The following HELLS variants were observed in gnomAD, a reference collection of about 807,000 sequenced individuals.
The protein encoded by HELLS is helicase, lymphoid specific.
A neutral mutation model predicts 120.0 loss-of-function variants in HELLS; 32 were observed. The observed-to-expected ratio is 0.27, with a 90% confidence interval of 0.20 to 0.36. The LOEUF is 0.36. Among genes scored for constraint, HELLS ranks in the 10% least tolerant of loss-of-function variants. HELLS has a pLI of 1.00. For synonymous variants in HELLS, 341 were observed against 323.4 expected (o/e 1.05, Z -0.58); for missense variants, 650 against 993.4 (o/e 0.65, Z 4.65).
rs759626036 is a variant in HELLS, at chr10:94,592,524, C to T, written c.1971+10C>T. The T allele has an allele frequency of 2.8e-6, 4 of 1,431,186 alleles. No individual in the cohort carries two copies. The highest frequency in any genetic ancestry group is 3.7e-6 in the Non-Finnish European group (4 of 1,086,992). 88.7% of individuals were successfully genotyped at this position (1,431,186 alleles called of 1,614,324 possible). A position where few individuals can be genotyped will look rare whatever the true frequency, so the allele number is the denominator to read the frequency against. ...AGAGAGAGAAAAAAACGTAAGACTA[C>T]TTATGTCATACATACCAAACTATTC... On this transcript the variant is annotated intron_variant, in intron 17 of 21. Coordinates refer to ENST00000348459, the MANE Select transcript of HELLS (RefSeq NM_018063.5).
chr10:94,563,410 A>G (rs1203590581), intron 6 of HELLS, among the ~76,000 whole-genome samples: 1 of 152,128 alleles, frequency 6.6e-6, no homozygotes, highest in Non-Finnish European at 1.5e-5. Flanking sequence ...TAAGTGGCAA[A>G]TAGGCTTACA....
chr10:94,578,677 T>A (rs985929042), intron 10 of HELLS, among the ~76,000 whole-genome samples: 11 of 152,170 alleles, frequency 7.2e-5, no homozygotes, highest in Non-Finnish European at 1.5e-4. Context: ...GGCAACCAAG[T>A]GAGACTGTGT....
chr10:94,596,321 G>T (rs183464901), intron 19 of HELLS, among the ~76,000 whole-genome samples: 1 of 152,238 alleles, frequency 6.6e-6, no homozygotes, highest in East Asian at 1.9e-4. Context: ...CATCATCCAA[G>T]AAATTTTCTT....
At chr10:94,576,101 C>CT (rs1844465938) in intron 9 of HELLS, among the ~76,000 whole-genome samples, 1 of 151,666 alleles carries the variant, frequency 6.6e-6, no homozygotes, top group South Asian at 2.1e-4. Context: ...CCTGGCCCGT[C>CT]TATTTGTTTT....
At chr10:94,606,303 G>A (rs1846128570), downstream of HELLS, among the ~76,000 whole-genome samples, 1 of 151,702 alleles carries the variant, frequency 6.6e-6, no homozygotes. Context: ...ATGATTTCTT[G>A]GAGGGTTTTG....
chr10:94,610,031 G>A (rs892226679), exon 10 of HELLS: 9 of 152,068 alleles, frequency 5.9e-5, no homozygotes, highest in Admixed American at 2.6e-4. Flanking sequence ...TGGAATTGAC[G>A]TTTAGCTGTG....
chr10:94,576,395 G>T (rs1354671985), intron 9 of HELLS, among the ~76,000 whole-genome samples: 1 of 152,072 alleles, frequency 6.6e-6, no homozygotes. Context: ...TTAGAGATCG[G>T]CTTGCCTTGG....
chr10:94,552,441 C>G (rs573332331), intron 2 of HELLS, among the ~76,000 whole-genome samples: 4 of 152,308 alleles, frequency 2.6e-5, no homozygotes, highest in African/African-American at 9.6e-5. Flanking sequence ...CAGATGTCAT[C>G]TATTTCCTGA....
chr10:94,578,663 G>A (rs1307799444), intron 10 of HELLS, among the ~76,000 whole-genome samples: 1 of 152,132 alleles, frequency 6.6e-6, no homozygotes, highest in Non-Finnish European at 1.5e-5. Flanking sequence ...CGCTTGGTTG[G>A]CTGGGCAACC....
chr10:94,592,239 A>C lies in HELLS; in HGVS notation c.1778A>C (p.Glu593Ala), dbSNP rs770300654. 2.8e-5 allele frequency: 45 copies of C among 1,610,144 alleles called. 1 individual carries two copies. In the South Asian group the frequency reaches 5.0e-4, roughly 18 times the overall value. The change falls in exon 16 of 22, where the codon GAA becomes GCA. Residue 593 changes from glutamate to alanine, a missense_variant. Physicochemically the swap from Glu to Ala is moderately radical, Grantham distance 107. This residue lies in a region of HELLS where 191 missense variants were observed against 259.7 expected (regional missense o/e 0.74). Coordinates refer to ENST00000348459, the MANE Select transcript of HELLS (RefSeq NM_018063.5). ...TTGCCCCTCCTTAAGATCGATGAAG[A>C]ATTGGTAACAAATTCTGGGAAGTTC... is the stretch of plus-strand genomic sequence containing the variant. ...PVTQEFKIDEELVTNSGKFLI... is the reference protein window; with the variant it reads ...PVTQEFKIDEALVTNSGKFLI...
intron 3 of HELLS, among the ~76,000 whole-genome samples, chr10:94,555,638 C>CT (rs914910010): frequency 6.6e-6 from 1 of 151,632 alleles, no homozygotes; most frequent in Non-Finnish European, 1.5e-5. Context: ...TTCTTTCTTT[C>CT]TTTTTTTTGG....
At chr10:94,567,320 C>A (rs1363170021) in intron 6 of HELLS, among the ~76,000 whole-genome samples, 1 of 151,848 alleles carries the variant, frequency 6.6e-6, no homozygotes, top group East Asian at 1.9e-4. Flanking sequence ...TTTTTTGAGA[C>A]ACAGTTTTGC....
intron 3 of HELLS, among the ~76,000 whole-genome samples, chr10:94,555,234 C>T (rs746492638): frequency 1.5e-4 from 23 of 152,050 alleles, no homozygotes; most frequent in Non-Finnish European, 3.2e-4. Context: ...CCCAGGAGTT[C>T]GACACCAGCC....
downstream of HELLS, among the ~76,000 whole-genome samples, chr10:94,605,083 C>A (rs1049020271): frequency 3.6e-4 from 47 of 130,796 alleles, 2 homozygotes; most frequent in African/African-American, 7.2e-4. Flanking sequence ...CCCCCCCCCC[C>A]CCTTTTTTTT....
downstream of HELLS, among the ~76,000 whole-genome samples, chr10:94,606,102 C>T (rs539872213): frequency 8.7e-4 from 130 of 149,534 alleles, no homozygotes; most frequent in African/African-American, 2.6e-3. Context: ...AAAGAGACTC[C>T]TGCTATGTTG....
chr10:94,606,910 A>G (rs765410958), downstream of HELLS, among the ~76,000 whole-genome samples: 1 of 152,218 alleles, frequency 6.6e-6, no homozygotes, highest in Admixed American at 6.5e-5. Flanking sequence ...AATTGTCAGT[A>G]TATGTATATG....
intron 2 of HELLS, among the ~76,000 whole-genome samples, chr10:94,549,940 G>T (rs1445225493): frequency 6.6e-6 from 1 of 151,880 alleles, no homozygotes; most frequent in Non-Finnish European, 1.5e-5. Flanking sequence ...ATTTTTTTGA[G>T]ACAGAGTTTC....
chr10:94,580,123 A>G (rs1275722524), intron 10 of HELLS, among the ~76,000 whole-genome samples: 4 of 14,766 alleles, frequency 2.7e-4, no homozygotes, highest in Admixed American at 6.1e-4. Flanking sequence ...AAAAGTATAT[A>G]TATATATATA....
chr10:94,583,938 G>C, intron 12 of HELLS: 1 of 480,758 alleles, frequency 2.1e-6, no homozygotes, highest in Non-Finnish European at 3.7e-6. Flanking sequence ...CAAGGTTGTA[G>C]TATCTGTATT....
Sources: gnomAD v4.1 joint callset for allele counts (sites outside exome capture counted in the v4.1 genomes callset) on GRCh38, gnomAD v4.1.1 for gene constraint, gnomAD v4.1.1 regional missense constraint, MANE v1.5 for transcripts, NCBI Gene and HGNC (gene_info 2026-07-23, HGNC 2026-07-21) for gene names.